Variants in EFCAB7 observed in about 807,000 individuals in gnomAD.
EFCAB7 encodes the protein EF-hand calcium binding domain 7.
Under a neutral mutation model 77.1 loss-of-function variants are expected in EFCAB7, and 66 were observed. The observed-to-expected ratio is 0.86, with a 90% CI of 0.70 to 1.05. The LOEUF is 1.05. Among genes scored for constraint, EFCAB7 ranks in the 50% least tolerant of loss-of-function variants. The pLI, the probability that EFCAB7 is intolerant of heterozygous loss-of-function variation, is 0.00. For synonymous variants in EFCAB7, 225 were observed against 243.3 expected, an observed-to-expected ratio of 0.92 and a Z score of 0.70; for missense variants, 638 against 730.5, an observed-to-expected ratio of 0.87 and a Z score of 1.46.
intron 13 of EFCAB7, among the ~76,000 whole-genome samples, chr1:63,571,787 T>A (rs1287163766): frequency 1.3e-5 from 2 of 151,518 alleles, no homozygotes; most frequent in African/African-American, 2.4e-5. Flanking sequence ...TTACATCATA[T>A]AGAAATGTAA....
At chr1:63,533,713 T>G in intron 5 of EFCAB7, 64 bp downstream of exon 5, 1 of 1,245,286 alleles carries the variant, frequency 8.0e-7, no homozygotes. Context: ...AGATAAATTT[T>G]TCCTTCCATT....
chr1:63,527,140 TATACTA>T (rs1311676967), intron 2 of EFCAB7, among the ~76,000 whole-genome samples: 1 of 152,188 alleles, frequency 6.6e-6, no homozygotes, highest in Non-Finnish European at 1.5e-5. Flanking sequence ...GTTTTGAAAA[TATACTA>T]AGAGAAGGAA....
chr1:63,573,198 G>A (rs1353366848), downstream of EFCAB7, among the ~76,000 whole-genome samples: 3 of 152,080 alleles, frequency 2.0e-5, no homozygotes, highest in Non-Finnish European at 4.4e-5. Context: ...AGATAATGCC[G>A]GGTGATATTT....
chr1:63,540,201 A>G (rs1441085911), intron 6 of EFCAB7, among the ~76,000 whole-genome samples: 1 of 151,782 alleles, frequency 6.6e-6, no homozygotes, highest in African/African-American at 2.4e-5. Context: ...CATCTCTACT[A>G]AAAATACAAA....
chr1:63,554,323 A>G (rs566164008), intron 8 of EFCAB7, among the ~76,000 whole-genome samples: 10 of 152,114 alleles, frequency 6.6e-5, no homozygotes, highest in Admixed American at 1.3e-4. Flanking sequence ...GAGAGATACC[A>G]TTTGCTTTCT....
the EFCAB7 span, among the ~76,000 whole-genome samples, chr1:63,583,558 T>C: frequency 2.0e-5 from 3 of 152,080 alleles, no homozygotes; most frequent in Non-Finnish European, 4.4e-5. Flanking sequence ...CAAAACAAGG[T>C]TCCTAATTCA....
chr1:63,555,641 GT>G, intron 9 of EFCAB7, 126 bp downstream of exon 9: 1 of 753,452 alleles, frequency 1.3e-6, no homozygotes, highest in Non-Finnish European at 2.0e-6. Context: ...TTCAACTCTT[GT>G]GAACAACCTG....
chr1:63,524,040 G>T lies in EFCAB7; in HGVS notation c.-2+406G>T, dbSNP rs148883183. Reference sequence around the variant, plus strand: ...AGGGAGGTTTCCAAGCCTGCGGGGGGTGCAATTATATGTTTATTTAAGCTT... The same window carrying T: ...AGGGAGGTTTCCAAGCCTGCGGGGGTTGCAATTATATGTTTATTTAAGCTT... On this transcript the variant is annotated intron_variant, in intron 1 of 13. Coordinates refer to ENST00000371088, the MANE Select transcript of EFCAB7 (RefSeq NM_032437.4). Among the ~76,000 whole-genome samples, 123 of 152,246 alleles carry T rather than the reference G, an allele frequency of 8.1e-4. 1 individual carries two copies. The East Asian group carries it at 0.02, about 25-fold the overall frequency.
chr1:63,584,177 A>G, the EFCAB7 span, among the ~76,000 whole-genome samples: 2 of 152,238 alleles, frequency 1.3e-5, no homozygotes, highest in Non-Finnish European at 2.9e-5. Context: ...CTTTTGCAAC[A>G]TGGAAACTAA....
At chr1:63,559,551 C>T (rs1404459482) in intron 10 of EFCAB7, among the ~76,000 whole-genome samples, 1 of 152,088 alleles carries the variant, frequency 6.6e-6, no homozygotes, top group African/African-American at 2.4e-5. Context: ...CAACCCCTGC[C>T]TCCAGGCTCA....
intron 9 of EFCAB7, among the ~76,000 whole-genome samples, chr1:63,556,794 G>A (rs567912729): frequency 2.0e-5 from 3 of 151,606 alleles, no homozygotes; most frequent in Middle Eastern, 3.4e-3. Flanking sequence ...AGGCTGAGGC[G>A]GGCGGATCAC....
chr1:63,569,769 A>G (rs1470926688), intron 12 of EFCAB7: 1 of 152,224 alleles, frequency 6.6e-6, no homozygotes, highest in Non-Finnish European at 1.5e-5. Flanking sequence ...AGACTTGATT[A>G]ACTAAGCTTG....
intron 9 of EFCAB7, 24 bp downstream of exon 9, chr1:63,555,539 G>T: frequency 6.3e-7 from 1 of 1,597,332 alleles, no homozygotes; most frequent in South Asian, 1.1e-5. Context: ...ATTAATGTTA[G>T]AATTATAACA....
chr1:63,569,246 A>G (rs1410068942), intron 12 of EFCAB7: 1 of 152,188 alleles, frequency 6.6e-6, no homozygotes, highest in Non-Finnish European at 1.5e-5. Flanking sequence ...GTTTTTAGTC[A>G]ACCTGAGAAT....
the EFCAB7 span, among the ~76,000 whole-genome samples, chr1:63,581,622 T>A: frequency 2.6e-5 from 4 of 152,198 alleles, no homozygotes; most frequent in Non-Finnish European, 5.9e-5. Context: ...AGTTTGCTAA[T>A]ACAGTTGACC....
downstream of EFCAB7, among the ~76,000 whole-genome samples, chr1:63,577,117 C>A (rs1228236064): frequency 3.3e-5 from 5 of 151,238 alleles, no homozygotes; most frequent in African/African-American, 1.2e-4. Context: ...CTGACTCCAG[C>A]CTGGGTGACA....
At chr1:63,571,176 A>G in intron 13 of EFCAB7, 48 bp downstream of exon 13, 2 of 1,362,614 alleles carry the variant, frequency 1.5e-6, no homozygotes, top group Non-Finnish European at 2.0e-6. Flanking sequence ...TGTCTTTGAA[A>G]AAAATTTGCT....
At chr1:63,576,729 G>A (rs1239575452), downstream of EFCAB7, among the ~76,000 whole-genome samples, 3 of 151,796 alleles carry the variant, frequency 2.0e-5, no homozygotes, top group Non-Finnish European at 2.9e-5. Context: ...CCAGCTACTC[G>A]GGAGGCTGAG....
chr1:63,534,058 T>C, intron 5 of EFCAB7, 37 bp from the exon 6 acceptor site: 1 of 1,609,588 alleles, frequency 6.2e-7, no homozygotes, highest in Non-Finnish European at 8.5e-7. Context: ...TGACAACTTT[T>C]CATAATGTCA....
Sources: allele counts gnomAD v4.1 joint callset (sites outside exome capture counted in the v4.1 genomes callset), GRCh38; gene constraint gnomAD v4.1.1; transcripts MANE v1.5; gene names NCBI Gene and HGNC (gene_info 2026-07-23, HGNC 2026-07-21).